GLIS3: variants seen among roughly 807,000 people sequenced by gnomAD.
GLIS3 encodes GLIS family zinc finger 3.
GLIS3 carries 53 observed loss-of-function variants against 78.6 expected under a neutral mutation model. That is an observed-to-expected ratio of 0.67 (90% CI 0.54 to 0.85). The LOEUF (loss-of-function observed/expected upper bound fraction) is 0.85. GLIS3 is among the 40% of genes least tolerant of loss of function. GLIS3 has a pLI of 0.00. For synonymous variants in GLIS3, 684 were observed against 509.9 expected (o/e 1.34, Z -4.60); for missense variants, 1,703 against 1,231.1 (o/e 1.38, Z -5.74).
At chr9:4,454,776 AGGGG>A in the GLIS3 span, among the ~76,000 whole-genome samples, 1 of 152,130 alleles carries the variant, frequency 6.6e-6, no homozygotes, top group Admixed American at 6.6e-5. Flanking sequence ...TTTCACAATG[AGGGG>A]AGTTATTCAA....
At position 3,977,150 on chromosome 9, in the gene GLIS3, C is replaced by T. The variant is rs1818872015; in HGVS notation, c.1711-39961G>A. On this transcript the variant is annotated intron_variant, in intron 4 of 10. Transcript: ENST00000381971. This position sits in a 1 kb window ranked among gnomAD's most constrained non-coding sequence, Gnocchi z 4.1. ...TCACTTAGGATCTGCAGAATTCACA[C>T]CACTCGATACCGAATGCTTACAACT... Among the ~76,000 whole-genome samples the T allele has an allele frequency of 6.6e-6, 1 of 152,154 alleles. No individual in the cohort carries two copies. The highest frequency in any genetic ancestry group is 2.4e-5 in the African/African-American group (1 of 41,436).
At chr9:4,461,030 T>C in the GLIS3 span, among the ~76,000 whole-genome samples, 1 of 152,328 alleles carries the variant, frequency 6.6e-6, no homozygotes, top group South Asian at 2.1e-4. Context: ...GTCTTACTTT[T>C]TTTCTGGGAG....
At chr9:3,948,475 T>G (rs1221247855) in intron 4 of GLIS3, among the ~76,000 whole-genome samples, 1 of 152,192 alleles carries the variant, frequency 6.6e-6, no homozygotes. Flanking sequence ...ATGCCTGCAG[T>G]GTACTTTGAT....
Position 3,828,042 on chromosome 9 carries a change from TCC to T in GLIS3, c.*228_*229del. On this transcript the variant is annotated 3_prime_UTR_variant, in exon 11 of 11. Transcript: ENST00000381971. ...CTCTAAATTCCCTTTGAAAAGACAGTCCTCCTGGTCACATAGTCCAGGAAAAC... is the reference window on the plus strand; with the variant it reads ...CTCTAAATTCCCTTTGAAAAGACAGTTCCTGGTCACATAGTCCAGGAAAAC... 1 of 569,162 alleles carries T rather than the reference TCC, an allele frequency of 1.8e-6. No individual in the cohort carries two copies. Among genetic ancestry groups the T allele is most frequent in the Non-Finnish European group, 3.1e-6 (1 of 319,466 alleles). The allele number at this position is 569,162 out of a possible 1,614,324, so 35.3% of individuals were successfully genotyped here.
intron 4 of GLIS3, among the ~76,000 whole-genome samples, chr9:4,053,193 C>G (rs578058284): frequency 6.6e-6 from 1 of 152,292 alleles, no homozygotes; most frequent in East Asian, 1.9e-4. Flanking sequence ...CAGCAATCCA[C>G]TTGCCTTGGC....
At chr9:4,349,058 G>A (rs1024414084), upstream of GLIS3, among the ~76,000 whole-genome samples, 6 of 152,144 alleles carry the variant, frequency 3.9e-5, no homozygotes, top group Non-Finnish European at 5.9e-5. Flanking sequence ...TAAAATAATA[G>A]GAGAATGCAA....
chr9:4,063,978 T>C (rs765270705), intron 4 of GLIS3, among the ~76,000 whole-genome samples: 2 of 152,200 alleles, frequency 1.3e-5, no homozygotes, highest in Non-Finnish European at 2.9e-5. Context: ...GAAAAGGTCC[T>C]GTTCCAGATG....
chr9:4,148,054 G>T (rs1362870423), intron 2 of GLIS3, among the ~76,000 whole-genome samples: 1 of 152,072 alleles, frequency 6.6e-6, no homozygotes, highest in Admixed American at 6.5e-5. Flanking sequence ...ACTGTATTAT[G>T]TTTCTCCCTC....
chr9:4,095,248 TC>T (rs1215968311), intron 4 of GLIS3, among the ~76,000 whole-genome samples: 1 of 152,178 alleles, frequency 6.6e-6, no homozygotes, highest in Non-Finnish European at 1.5e-5. Flanking sequence ...AACTAGCCTT[TC>T]TACTTCTGGA....
chr9:4,162,944 T>G (rs964514216), intron 2 of GLIS3, among the ~76,000 whole-genome samples: 4 of 56,616 alleles, frequency 7.1e-5, no homozygotes, highest in African/African-American at 1.5e-4. Flanking sequence ...AAGAAAATGT[T>G]CTTTTTAACT....
chr9:4,270,606 C>T (rs1206415250), intron 2 of GLIS3, among the ~76,000 whole-genome samples: 1 of 152,188 alleles, frequency 6.6e-6, no homozygotes, highest in Non-Finnish European at 1.5e-5. Flanking sequence ...CAGGCCTTTC[C>T]AGCATGGCAG....
intron 2 of GLIS3, among the ~76,000 whole-genome samples, chr9:4,201,175 G>GA (rs1307697064): frequency 6.6e-6 from 1 of 152,028 alleles, no homozygotes; most frequent in Non-Finnish European, 1.5e-5. Flanking sequence ...GGCATCAAAG[G>GA]AACATACCTC....
chr9:4,477,751 G>A, the GLIS3 span, among the ~76,000 whole-genome samples: 1 of 152,070 alleles, frequency 6.6e-6, no homozygotes, highest in Non-Finnish European at 1.5e-5. Flanking sequence ...TTTCAGTCTG[G>A]GAAGGTAAAA....
chr9:3,990,531 G>T (rs1004530697), intron 4 of GLIS3, among the ~76,000 whole-genome samples: 11 of 152,182 alleles, frequency 7.2e-5, no homozygotes, highest in African/African-American at 2.4e-4. Context: ...TGTGGCATGC[G>T]AAAGAAGTTC....
chr9:4,002,266 G>A (rs1821171724), intron 4 of GLIS3, among the ~76,000 whole-genome samples: 1 of 152,166 alleles, frequency 6.6e-6, no homozygotes, highest in African/African-American at 2.4e-5. Flanking sequence ...CAAGGAAACA[G>A]ATTCTTCCTT....
At chr9:4,414,007 G>C in the GLIS3 span, among the ~76,000 whole-genome samples, 58 of 152,132 alleles carry the variant, frequency 3.8e-4, no homozygotes, top group South Asian at 7.5e-3. Flanking sequence ...GAAGCCTCAG[G>C]CAAGTCAGTG....
At chr9:4,486,463 T>C in the GLIS3 span, among the ~76,000 whole-genome samples, 23 of 152,254 alleles carry the variant, frequency 1.5e-4, no homozygotes, top group African/African-American at 4.8e-4. Flanking sequence ...CAATTCCTCT[T>C]CTCTTCACCT....
intron 4 of GLIS3, among the ~76,000 whole-genome samples, chr9:4,079,149 T>A (rs1209343162): frequency 1.3e-5 from 2 of 152,234 alleles, no homozygotes; most frequent in Non-Finnish European, 2.9e-5. Context: ...TCTGATTCCC[T>A]GAAATAGGGT....
intron 2 of GLIS3, among the ~76,000 whole-genome samples, chr9:4,162,854 CAAAAAAAAAAAAA>C (rs35310357): frequency 5.4e-5 from 4 of 73,856 alleles, no homozygotes; most frequent in Non-Finnish European, 1.0e-4. Context: ...CTCGCTCTGT[CAAAAAAAAAAAAA>C]AAAAAAAAAA....
Sources: allele counts gnomAD v4.1 joint callset (sites outside exome capture counted in the v4.1 genomes callset), GRCh38; gene constraint gnomAD v4.1.1; non-coding constraint Gnocchi (gnomAD v3.1); transcripts MANE v1.5; gene names NCBI Gene and HGNC (gene_info 2026-07-23, HGNC 2026-07-21).